Variants in GMEB1 observed in about 807,000 individuals in gnomAD.
GMEB1 encodes the protein glucocorticoid modulatory element binding protein 1, also known as glucocorticoid modulatory element-binding protein 1.
In GMEB1, 6 loss-of-function variants were observed where a neutral mutation model predicts 52.4. The observed-to-expected ratio is 0.11, with a 90% CI of 0.06 to 0.23. GMEB1 has a LOEUF of 0.23. GMEB1 is among the 10% of genes least tolerant of loss of function. The pLI is 1.00. For missense variants in GMEB1, 486 were observed against 685.6 expected (o/e 0.71, Z 3.25); for synonymous variants, 255 against 244.9 (o/e 1.04, Z -0.38).
chr1:28,692,912 G>A (rs773763070), intron 4 of GMEB1, 30 bp from the exon 5 acceptor site: 54 of 1,244,526 alleles, frequency 4.3e-5, no homozygotes, highest in Non-Finnish European at 6.3e-5. Flanking sequence ...GTTGACATTA[G>A]ACTCTTTGGA....
At chr1:28,700,058 CAAAAAAAAAA>C (rs34231884) in intron 6 of GMEB1, among the ~76,000 whole-genome samples, 3 of 61,140 alleles carry the variant, frequency 4.9e-5, no homozygotes, top group Non-Finnish European at 9.2e-5. Context: ...GACCCTGTCT[CAAAAAAAAAA>C]AAAAAAAAAA....
At chr1:28,675,312 C>T (rs532309799) in intron 1 of GMEB1, among the ~76,000 whole-genome samples, 7 of 152,158 alleles carry the variant, frequency 4.6e-5, no homozygotes, top group Admixed American at 3.3e-4. Context: ...CCACCGCGCC[C>T]GGCCCCACAA....
intron 6 of GMEB1, among the ~76,000 whole-genome samples, chr1:28,698,243 C>T (rs532687610): frequency 3.1e-4 from 47 of 152,030 alleles, no homozygotes; most frequent in Admixed American, 1.2e-3. Flanking sequence ...GTGGCGTGCA[C>T]CTGTAGTCCC....
chr1:28,674,864 G>T (rs1053993202), intron 1 of GMEB1, among the ~76,000 whole-genome samples: 3 of 141,730 alleles, frequency 2.1e-5, no homozygotes, highest in Non-Finnish European at 3.1e-5. Flanking sequence ...GACTACAGGC[G>T]CCCGCCACTA....
intron 1 of GMEB1, among the ~76,000 whole-genome samples, chr1:28,680,579 A>G (rs559470956): frequency 6.6e-6 from 1 of 152,180 alleles, no homozygotes; most frequent in South Asian, 2.1e-4. Flanking sequence ...TACTAAAAAT[A>G]CAAAAATTAG....
intron 3 of GMEB1, 103 bp from the exon 4 acceptor site, chr1:28,691,482 G>A (rs900979564): frequency 2.9e-6 from 2 of 679,288 alleles, no homozygotes; most frequent in African/African-American, 3.7e-5. Flanking sequence ...ACCAGCAAGA[G>A]TGAAGTATTA....
At position 28,687,385 on chromosome 1, in the gene GMEB1, C is replaced by CAAAA. The variant is rs1489651109; in HGVS notation, c.129-2718_129-2717insAAAA. Among the ~76,000 whole-genome samples, 103 of 38,160 alleles carry CAAAA rather than the reference C, an allele frequency of 2.7e-3. 4 individuals are homozygous for CAAAA. The highest frequency in any genetic ancestry group is 3.9e-3 in the Non-Finnish European group (82 of 21,130). 25.0% of individuals were successfully genotyped at this position (38,160 alleles called of 152,430 possible). A position where few individuals can be genotyped will look rare whatever the true frequency, so the allele number is the denominator to read the frequency against. On this transcript the variant is annotated intron_variant, in intron 2 of 9. Transcript: ENST00000373816. ...ACACACACACACACACACACACACACACAAAAAAAGACAGTGGAGAATAAT... is the reference window on the plus strand; with the variant it reads ...ACACACACACACACACACACACACACAAAAACAAAAAAAGACAGTGGAGAATAAT...
At chr1:28,670,786 C>T (rs1036387662) in intron 1 of GMEB1, among the ~76,000 whole-genome samples, 2 of 152,082 alleles carry the variant, frequency 1.3e-5, no homozygotes, top group Non-Finnish European at 2.9e-5. Flanking sequence ...GAAACTTATT[C>T]AATGGTTGCA....
At chr1:28,675,407 G>T (rs989571644) in intron 1 of GMEB1, among the ~76,000 whole-genome samples, 3 of 151,818 alleles carry the variant, frequency 2.0e-5, no homozygotes, top group African/African-American at 4.8e-5. Flanking sequence ...GATCGGCCGG[G>T]GTGGCTCACT....
chr1:28,678,372 C>T (rs867849760), intron 1 of GMEB1, among the ~76,000 whole-genome samples: 12 of 152,048 alleles, frequency 7.9e-5, no homozygotes, highest in East Asian at 2.0e-4. Flanking sequence ...AGTGCAGTGG[C>T]GCAATCTTGG....
chr1:28,693,444 C>T (rs949859618), intron 5 of GMEB1, among the ~76,000 whole-genome samples: 2 of 152,030 alleles, frequency 1.3e-5, no homozygotes, highest in Non-Finnish European at 1.5e-5. Context: ...ATCTTAAACT[C>T]GTGACCTCAT....
intron 1 of GMEB1, 133 bp downstream of exon 1, chr1:28,668,972 C>T (rs1668741490): frequency 6.9e-6 from 1 of 145,208 alleles, no homozygotes; most frequent in Non-Finnish European, 1.5e-5. Context: ...TCCGCGGGCG[C>T]CTCCCCACGC....
rs1053979030 is a variant in GMEB1, at chr1:28,717,060, C to A, written c.*2287C>A. 2 of 151,166 alleles carry A rather than the reference C, an allele frequency of 1.3e-5. No individual in the cohort carries two copies. Among genetic ancestry groups the A allele is most frequent in the African/African-American group, 2.4e-5 (1 of 41,150 alleles). 9.4% of individuals were successfully genotyped at this position (151,166 alleles called of 1,614,324 possible). ...TTTCTTTTTTATTTTTAAGAAGGCA[C>A]CTTTCAGAAGCCATGTTTCTTCCAA... On this transcript the variant is annotated 3_prime_UTR_variant, in exon 10 of 10. Coordinates refer to ENST00000373816, the MANE Select transcript of GMEB1 (RefSeq NM_001319674.2).
intron 8 of GMEB1, among the ~76,000 whole-genome samples, chr1:28,704,967 G>C (rs1439280555): frequency 1.3e-5 from 2 of 151,640 alleles, no homozygotes; most frequent in Admixed American, 6.6e-5. Context: ...TGTAGTCCCA[G>C]CTACTTGGGA....
At chr1:28,684,941 A>C (rs1182139676) in intron 2 of GMEB1, among the ~76,000 whole-genome samples, 1 of 152,180 alleles carries the variant, frequency 6.6e-6, no homozygotes. Context: ...TGAAGGCATG[A>C]TTTACTTCAG....
chr1:28,676,729 A>AT (rs1669166813), intron 1 of GMEB1, among the ~76,000 whole-genome samples: 11 of 151,060 alleles, frequency 7.3e-5, no homozygotes, highest in Admixed American at 4.6e-4. Context: ...CGTCTCAAAA[A>AT]AAAATAAATA....
intron 2 of GMEB1, among the ~76,000 whole-genome samples, chr1:28,686,874 G>A (rs965770624): frequency 7.2e-5 from 11 of 152,034 alleles, no homozygotes; most frequent in African/African-American, 2.7e-4. Context: ...TGTGCACTTG[G>A]GGACCTCTTA....
intron 1 of GMEB1, among the ~76,000 whole-genome samples, chr1:28,674,738 A>C (rs1379690862): frequency 2.6e-5 from 1 of 38,026 alleles, no homozygotes; most frequent in Non-Finnish European, 4.2e-5. Flanking sequence ...TTTTTTTTTG[A>C]GACGGAGTCT....
Position 28,704,255 on chromosome 1 carries a change from A to T in GMEB1, c.794A>T (p.Asn265Ile). ...DVGLMEEVVC[N>I]IQKEIEELLR... Reference sequence around the variant, plus strand: ...GGGCTGATGGAAGAGGTTGTCTGCAATATACAGAAGGAAATAGAGGAGCTA... The same window carrying T: ...GGGCTGATGGAAGAGGTTGTCTGCATTATACAGAAGGAAATAGAGGAGCTA... Residue 265 changes from asparagine to isoleucine, a missense_variant, in exon 8 of 10, where the codon AAT becomes ATT. Around this residue, in one of 5 missense-constraint regions of GMEB1, gnomAD observed 200 missense variants for 253.5 expected, o/e 0.79. Coordinates refer to ENST00000373816, the MANE Select transcript of GMEB1 (RefSeq NM_001319674.2). 6.2e-7 allele frequency: 1 copy of T among 1,613,828 alleles called. No homozygotes were observed. Among genetic ancestry groups the T allele is most frequent in the South Asian group, 1.1e-5 (1 of 91,062 alleles).
Sources: allele counts gnomAD v4.1 joint callset (sites outside exome capture counted in the v4.1 genomes callset), GRCh38; gene constraint gnomAD v4.1.1; regional missense constraint gnomAD v4.1.1; transcripts MANE v1.5; gene names NCBI Gene and HGNC (gene_info 2026-07-23, HGNC 2026-07-21).